Variants in PRDM5 observed in about 807,000 individuals in gnomAD.
The protein encoded by PRDM5 is PR domain zinc finger protein 5.
In PRDM5, 56 loss-of-function variants were observed where a neutral mutation model predicts 81.2. The observed-to-expected ratio is 0.69, with a 90% CI of 0.56 to 0.86. PRDM5 has a LOEUF of 0.86. Among genes scored for constraint, PRDM5 ranks in the 40% least tolerant of loss-of-function variants. PRDM5 has a pLI of 0.00. For synonymous variants in PRDM5, 267 were observed against 256.4 expected (o/e 1.04, Z -0.39); for missense variants, 697 against 770.1 (o/e 0.91, Z 1.12).
At chr4:120,706,105 T>C (rs1425759133) in intron 15 of PRDM5, among the ~76,000 whole-genome samples, 2 of 152,048 alleles carry the variant, frequency 1.3e-5, no homozygotes, top group East Asian at 3.9e-4. Flanking sequence ...TTTTTTTTCT[T>C]TTTGGAGACA....
chr4:120,872,517 G>A (rs376237066), intron 2 of PRDM5, among the ~76,000 whole-genome samples: 3 of 152,140 alleles, frequency 2.0e-5, no homozygotes, highest in Admixed American at 6.5e-5. Flanking sequence ...CTTAGAGGCC[G>A]AGGCAGGAGG....
At chr4:120,746,773 G>C (rs1327879989) in intron 14 of PRDM5, among the ~76,000 whole-genome samples, 1,930 of 143,402 alleles carry the variant, frequency 0.013, 28 homozygotes, top group Non-Finnish European at 0.023. Flanking sequence ...TCATTAAAAA[G>C]TCAGGAAACA....
intron 14 of PRDM5, among the ~76,000 whole-genome samples, chr4:120,747,633 C>T (rs895966559): frequency 6.6e-6 from 1 of 152,074 alleles, no homozygotes; most frequent in Non-Finnish European, 1.5e-5. Context: ...GTGCAAAAGG[C>T]ACAGGTCTGT....
At chr4:120,687,059 A>G (rs1349140622), downstream of PRDM5, among the ~76,000 whole-genome samples, 1 of 152,132 alleles carries the variant, frequency 6.6e-6, no homozygotes, top group Non-Finnish European at 1.5e-5. Flanking sequence ...GGATGTTTTA[A>G]TTCTTAAATT....
intron 1 of PRDM5, among the ~76,000 whole-genome samples, chr4:120,916,973 C>T (rs1189104131): frequency 1.3e-5 from 2 of 152,254 alleles, no homozygotes; most frequent in Admixed American, 1.3e-4. Context: ...CTTTTCTCAA[C>T]AGAACAGCCA....
At chr4:120,713,285 A>G (rs961292715) in intron 14 of PRDM5, among the ~76,000 whole-genome samples, 1 of 152,138 alleles carries the variant, frequency 6.6e-6, no homozygotes, top group Non-Finnish European at 1.5e-5. Flanking sequence ...TTTGCCTGCT[A>G]TACTCATCTT....
intron 1 of PRDM5, among the ~76,000 whole-genome samples, chr4:120,909,721 G>A (rs1446874065): frequency 6.6e-6 from 1 of 150,424 alleles, no homozygotes; most frequent in Non-Finnish European, 1.5e-5. Context: ...GGGGTGGGGG[G>A]TGCGGGGGAA....
chr4:120,736,673 G>T (rs1159114350), intron 14 of PRDM5, among the ~76,000 whole-genome samples: 1 of 151,838 alleles, frequency 6.6e-6, no homozygotes, highest in African/African-American at 2.4e-5. Context: ...GACACTCTCA[G>T]GCATCTTGTA....
intron 14 of PRDM5, among the ~76,000 whole-genome samples, chr4:120,717,378 G>C (rs559755069): frequency 2.4e-4 from 37 of 152,236 alleles, no homozygotes; most frequent in Non-Finnish European, 4.3e-4. Flanking sequence ...TCATTCAAAA[G>C]GTAGGATTTA....
intron 2 of PRDM5, among the ~76,000 whole-genome samples, chr4:120,880,563 C>T (rs527942789): frequency 1.3e-5 from 2 of 152,054 alleles, no homozygotes; most frequent in South Asian, 4.2e-4. Context: ...GACATTTTAC[C>T]TTCTTCAAAA....
At chr4:120,772,035 C>G (rs572934308) in intron 13 of PRDM5, among the ~76,000 whole-genome samples, 1 of 152,206 alleles carries the variant, frequency 6.6e-6, no homozygotes, top group Admixed American at 6.5e-5. Context: ...ATATGACTAG[C>G]TAGTGGCAGG....
intron 7 of PRDM5, chr4:120,813,042 A>G (rs1465234801): frequency 6.4e-6 from 1 of 156,854 alleles, no homozygotes; most frequent in South Asian, 1.8e-4. Flanking sequence ...ATCTTTAAGT[A>G]TATGCTTATC....
intron 2 of PRDM5, among the ~76,000 whole-genome samples, chr4:120,854,094 C>G (rs11944593): frequency 6.6e-6 from 1 of 152,014 alleles, no homozygotes; most frequent in African/African-American, 2.4e-5. Context: ...CCCATTTTAT[C>G]CTTTCATGGC....
chr4:120,807,340 T>C (rs1004534382), intron 8 of PRDM5, among the ~76,000 whole-genome samples: 1 of 152,030 alleles, frequency 6.6e-6, no homozygotes, highest in Admixed American at 6.5e-5. Flanking sequence ...CCCAGCCATA[T>C]ATGGGTATAT....
At chr4:120,800,447 G>A (rs1751975253) in intron 8 of PRDM5, among the ~76,000 whole-genome samples, 1 of 151,446 alleles carries the variant, frequency 6.6e-6, no homozygotes. Flanking sequence ...AACCTGGGAA[G>A]TCGAGGCTTC....
At chr4:120,762,133 C>T (rs888572569) in intron 13 of PRDM5, among the ~76,000 whole-genome samples, 2 of 151,882 alleles carry the variant, frequency 1.3e-5, no homozygotes, top group South Asian at 2.1e-4. Context: ...CAAAAACCAA[C>T]GTAGATTTCA....
chr4:120,791,839 T>G (rs148994617), intron 10 of PRDM5, among the ~76,000 whole-genome samples: 5 of 152,208 alleles, frequency 3.3e-5, no homozygotes, highest in Non-Finnish European at 7.3e-5. Flanking sequence ...TGAACTGGAT[T>G]AGTGCCGTTA....
chr4:120,848,804 T>A (rs1032588529), intron 3 of PRDM5, among the ~76,000 whole-genome samples: 2 of 152,180 alleles, frequency 1.3e-5, no homozygotes, highest in African/African-American at 4.8e-5. Flanking sequence ...ATTTAAAAAC[T>A]CACGGGACCA....
At chr4:120,809,492 ATAAAG>A (rs1241433851) in intron 8 of PRDM5, among the ~76,000 whole-genome samples, 1 of 152,224 alleles carries the variant, frequency 6.6e-6, no homozygotes, top group Non-Finnish European at 1.5e-5. Context: ...CAAATGCTAA[ATAAAG>A]TATATTTTTA....
Sources: gnomAD v4.1 joint callset for allele counts (sites outside exome capture counted in the v4.1 genomes callset) on GRCh38, gnomAD v4.1.1 for gene constraint, MANE v1.5 for transcripts, NCBI Gene and HGNC (gene_info 2026-07-23, HGNC 2026-07-21) for gene names.